ZNF736: variants seen among roughly 807,000 people sequenced by gnomAD.
ZNF736 encodes KRAB-containing zinc-finger repressor protein.
A neutral mutation model predicts 11.7 loss-of-function variants in ZNF736; 6 were observed. The ratio of observed to expected loss-of-function variants is 0.51; its 90% confidence interval spans 0.28 to 1.01. ZNF736 has a LOEUF of 1.01. ZNF736 is among the 50% of genes least tolerant of loss of function. The probability of loss-of-function intolerance (pLI) is 0.09; values close to 1 mark genes in which losing one functional copy is unlikely to be tolerated. For synonymous variants in ZNF736, 139 were observed against 164.7 expected (o/e 0.84, Z 1.19); for missense variants, 444 against 496.0 (o/e 0.90, Z 1.00).
intron 1 of ZNF736, among the ~76,000 whole-genome samples, chr7:64,316,717 A>T (rs746295809): frequency 2.1e-4 from 32 of 152,126 alleles, no homozygotes; most frequent in Middle Eastern, 3.4e-3. Context: ...TGTATAATGG[A>T]TTTTATCATT....
chr7:64,334,790 A>G (rs1464099818), intron 1 of ZNF736, among the ~76,000 whole-genome samples: 3 of 152,236 alleles, frequency 2.0e-5, no homozygotes, highest in Non-Finnish European at 2.9e-5. Context: ...TACTAGGTAT[A>G]TGCCCAAAGG....
At chr7:64,317,846 T>C (rs1018538834) in intron 1 of ZNF736, among the ~76,000 whole-genome samples, 1 of 151,954 alleles carries the variant, frequency 6.6e-6, no homozygotes, top group African/African-American at 2.4e-5. Flanking sequence ...CAATTTTATG[T>C]ATTTTTTAAA....
At chr7:64,322,628 T>C (rs947613822) in intron 1 of ZNF736, among the ~76,000 whole-genome samples, 6 of 152,180 alleles carry the variant, frequency 3.9e-5, no homozygotes, top group South Asian at 2.1e-4. Flanking sequence ...CTGAAACTTA[T>C]TCTCACAATT....
At chr7:64,343,879 T>C (rs1239433419) in intron 3 of ZNF736, among the ~76,000 whole-genome samples, 1 of 152,208 alleles carries the variant, frequency 6.6e-6, no homozygotes, top group African/African-American at 2.4e-5. Context: ...GTCATACATA[T>C]TTTGCCAATA....
chr7:64,331,430 A>T (rs1487373599), intron 1 of ZNF736, among the ~76,000 whole-genome samples: 2 of 152,120 alleles, frequency 1.3e-5, no homozygotes, highest in Admixed American at 1.3e-4. Flanking sequence ...CTCCCAGGGA[A>T]TGGAGGAGGG....
chr7:64,344,180 T>A (rs1457128308), intron 3 of ZNF736, among the ~76,000 whole-genome samples: 2 of 152,134 alleles, frequency 1.3e-5, no homozygotes, highest in Non-Finnish European at 2.9e-5. Flanking sequence ...TGCGCGCCTA[T>A]AATCCCAGCT....
intron 3 of ZNF736, among the ~76,000 whole-genome samples, chr7:64,338,801 A>G (rs1362174855): frequency 1.3e-5 from 2 of 151,928 alleles, no homozygotes; most frequent in Non-Finnish European, 2.9e-5. Context: ...TTCAATGAAC[A>G]TGGAGGTGCA....
intron 1 of ZNF736, among the ~76,000 whole-genome samples, chr7:64,318,123 T>G (rs1461744081): frequency 1.3e-5 from 2 of 151,944 alleles, no homozygotes; most frequent in Admixed American, 6.6e-5. Context: ...ATTTTCTAAT[T>G]TTTAGAAACA....
In ZNF736 at chr7:64,348,375, A is replaced by G. The variant is rs553514851; in HGVS notation, c.512A>G (p.Lys171Arg). The G allele has an allele frequency of 1.9e-5, 30 of 1,551,102 alleles. No homozygotes were observed. The highest frequency in any genetic ancestry group is 2.6e-5 in the Non-Finnish European group (30 of 1,146,858). Residue 171 changes from lysine to arginine, a missense_variant, in exon 4 of 4, where the codon AAA becomes AGA. By Grantham distance (26) the Lys-to-Arg change is conservative. Coordinates refer to ENST00000423484, the MANE Select transcript of ZNF736 (RefSeq NM_001170905.3). ...CATAAAGACATTTTTAGCAGAGAGA[A>G]ATGCCACAAATGTGAAGAATGTGGC... ...TEHKDIFSRE[K>R]CHKCEECGKD... is the part of the protein sequence containing the mutation.
intron 3 of ZNF736, among the ~76,000 whole-genome samples, chr7:64,347,782 T>C (rs1221813233): frequency 6.6e-6 from 1 of 152,140 alleles, no homozygotes; most frequent in African/African-American, 2.4e-5. Flanking sequence ...GACAGGAGTT[T>C]GGAGTCTATA....
intron 3 of ZNF736, among the ~76,000 whole-genome samples, chr7:64,341,588 A>T (rs2115948790): frequency 6.6e-6 from 1 of 152,262 alleles, no homozygotes; most frequent in African/African-American, 2.4e-5. Flanking sequence ...TATTATAACA[A>T]CATTCACCTT....
chr7:64,314,261 G>A (rs1788879991), intron 1 of ZNF736, 108 bp downstream of exon 1: 3 of 1,378,192 alleles, frequency 2.2e-6, no homozygotes, highest in Admixed American at 2.4e-5. Flanking sequence ...TCTGGAGTCT[G>A]CATCCCCGAG....
chr7:64,348,138 A>G lies in ZNF736; in HGVS notation c.275A>G (p.Lys92Arg). ...GAGATATTGCCGGATCATGACATAA[A>G]AGATTCATTTCAAAAAGTGATTCTG... ...TAEILPDHDI[K>R]DSFQKVILRK... is the part of the protein sequence containing the mutation. The change falls in exon 4 of 4, where the codon AAA (lysine) becomes AGA (arginine). Residue 92 changes from lysine to arginine, a missense_variant. Physicochemically the swap from Lys to Arg is conservative, Grantham distance 26. Transcript: ENST00000423484. 1 of 1,546,754 alleles carries G rather than the reference A, an allele frequency of 6.5e-7. No homozygotes were observed. The highest frequency in any genetic ancestry group is 8.7e-7 in the Non-Finnish European group (1 of 1,145,674).
chr7:64,318,260 C>T (rs1034171140), intron 1 of ZNF736, among the ~76,000 whole-genome samples: 1 of 151,786 alleles, frequency 6.6e-6, no homozygotes, highest in Non-Finnish European at 1.5e-5. Context: ...AATATCTTAG[C>T]ATTTTGTCTT....
chr7:64,314,427 C>T (rs1048701211), intron 1 of ZNF736, among the ~76,000 whole-genome samples: 56 of 152,266 alleles, frequency 3.7e-4, no homozygotes, highest in African/African-American at 1.2e-3. Context: ...CTCGAGTCTC[C>T]CTCCTCCAGA....
chr7:64,316,082 T>C (rs1788913005), intron 1 of ZNF736, among the ~76,000 whole-genome samples: 1 of 152,178 alleles, frequency 6.6e-6, no homozygotes, highest in South Asian at 2.1e-4. Context: ...TGTGTTTTCC[T>C]GGTCCAAGTA....
Position 64,348,286 on chromosome 7 carries a change from T to A in ZNF736, c.423T>A (p.His141Gln). The A allele has an allele frequency of 6.4e-7, 1 of 1,551,936 alleles. No individual in the cohort carries two copies. The highest frequency in any genetic ancestry group is 8.7e-7 in the Non-Finnish European group (1 of 1,146,906). ...TTCATCAATGTTTGTCAGCTACCCA[T>A]AGCAAAACCTGTCAATGTAATAAAT... is the stretch of plus-strand genomic sequence containing the variant. ...NGLHQCLSATHSKTCQCNKCG... is the reference protein window; with the variant it reads ...NGLHQCLSATQSKTCQCNKCG... Residue 141 changes from histidine (H) to glutamine (Q), a missense_variant, in exon 4 of 4, where the codon CAT becomes CAA. By Grantham distance (24) the His-to-Gln change is conservative. Coordinates refer to ENST00000423484, the MANE Select transcript of ZNF736 (RefSeq NM_001170905.3).
At chr7:64,319,214 T>G (rs1788958372) in intron 1 of ZNF736, among the ~76,000 whole-genome samples, 1 of 151,216 alleles carries the variant, frequency 6.6e-6, no homozygotes, top group Admixed American at 6.6e-5. Flanking sequence ...ACTAAAGACC[T>G]TATATGGGAA....
chr7:64,337,214 T>TGTGTGTG, intron 3 of ZNF736: 1 of 355,936 alleles, frequency 2.8e-6, no homozygotes, highest in South Asian at 4.5e-5. Context: ...TGTGTGTGTG[T>TGTGTGTG]TTTGTTTTGT....
Sources: allele counts gnomAD v4.1 joint callset (sites outside exome capture counted in the v4.1 genomes callset), GRCh38; gene constraint gnomAD v4.1.1; transcripts MANE v1.5; gene names NCBI Gene and HGNC (gene_info 2026-07-23, HGNC 2026-07-21).